The following DSCAM variants were observed in gnomAD, a reference collection of about 807,000 sequenced individuals.
DSCAM encodes DS cell adhesion molecule.
In DSCAM, 47 loss-of-function variants were observed where a neutral mutation model predicts 217.7. The ratio of observed to expected loss-of-function variants is 0.22; its 90% CI spans 0.17 to 0.28. DSCAM has a LOEUF of 0.28. Ranked by LOEUF, DSCAM falls within the 10% of genes least tolerant of loss-of-function variation. The pLI is 1.00. For missense variants in DSCAM, 2,080 were observed against 2,618.3 expected, an observed-to-expected ratio of 0.79 and a Z score of 4.49; for synonymous variants, 1,056 against 1,015.3, an observed-to-expected ratio of 1.04 and a Z score of -0.76.
chr21:40,652,911 T>C (rs928550483), intron 3 of DSCAM, among the ~76,000 whole-genome samples: 1 of 152,116 alleles, frequency 6.6e-6, no homozygotes, highest in African/African-American at 2.4e-5. Context: ...GACTCAAGTG[T>C]TAAGGTAAGT....
intron 3 of DSCAM, among the ~76,000 whole-genome samples, chr21:40,587,616 G>T (rs1343905510): frequency 1.3e-5 from 2 of 152,158 alleles, no homozygotes; most frequent in African/African-American, 4.8e-5. Flanking sequence ...GAAATTTTAT[G>T]AAAAGTATAA....
At position 40,179,042 on chromosome 21, in the gene DSCAM, C is replaced by T. The variant is rs993712212; in HGVS notation, c.2832G>A (p.Ser944=). Residue 944 remains serine (S), a synonymous_variant, in exon 15 of 33, where the codon TCG becomes TCA. Coordinates refer to ENST00000400454, the MANE Select transcript of DSCAM (RefSeq NM_001389.5). ...AAGGGTGGATATCAATGATGGTGGC[C>T]GAGTTCAGCTGAGGGGAAACATCTT... ...RTKDVSPQLN[S]ATIIDIHPSS... is the part of the protein sequence containing the mutation. The T allele has an allele frequency of 3.7e-6, 6 of 1,613,922 alleles. No homozygotes were observed. Among genetic ancestry groups the T allele is most frequent in the South Asian group, 2.2e-5 (2 of 91,076 alleles).
chr21:40,171,550 A>G (rs1212092553), intron 15 of DSCAM, among the ~76,000 whole-genome samples: 2 of 151,910 alleles, frequency 1.3e-5, no homozygotes, highest in Non-Finnish European at 2.9e-5. Flanking sequence ...CTGAAGTGAA[A>G]GCATTTGGAT....
At chr21:40,741,668 G>A (rs963875916) in intron 1 of DSCAM, among the ~76,000 whole-genome samples, 15 of 152,188 alleles carry the variant, frequency 9.9e-5, no homozygotes, top group African/African-American at 1.9e-4. Flanking sequence ...CTGGCTGCAC[G>A]GTAGATTCAC....
intron 11 of DSCAM, among the ~76,000 whole-genome samples, chr21:40,200,818 G>A (rs1204322668): frequency 6.6e-6 from 1 of 152,176 alleles, no homozygotes; most frequent in Non-Finnish European, 1.5e-5. Flanking sequence ...TTATGTTAGA[G>A]GAACCCTCTG....
chr21:40,632,398 T>A (rs750425754), intron 3 of DSCAM, among the ~76,000 whole-genome samples: 1 of 152,026 alleles, frequency 6.6e-6, no homozygotes, highest in Non-Finnish European at 1.5e-5. Context: ...TATATACATA[T>A]GCATACACAA....
chr21:40,033,371 G>A (rs550186313), intron 32 of DSCAM, among the ~76,000 whole-genome samples: 208 of 151,802 alleles, frequency 1.4e-3, no homozygotes, highest in African/African-American at 4.7e-3. Context: ...GGGAAGCACA[G>A]GGGTCAGGGA....
rs1195296248 is a variant in DSCAM at position 40,576,459 on chromosome 21, A to T, written c.508+116351T>A. Among the ~76,000 whole-genome samples the T allele has an allele frequency of 2.0e-5, 3 of 152,292 alleles. No individual in the cohort carries two copies. The East Asian group carries it at 5.8e-4, about 29-fold the overall frequency. On this transcript the variant is annotated intron_variant, in intron 3 of 32. Coordinates refer to ENST00000400454, the MANE Select transcript of DSCAM (RefSeq NM_001389.5). Reference sequence around the variant, plus strand: ...ATCTTCTTTGGGGACAGTTAACTGAATGTTCTACATCTTGTTTTAGGTGGT... The same window carrying T: ...ATCTTCTTTGGGGACAGTTAACTGATTGTTCTACATCTTGTTTTAGGTGGT...
intron 30 of DSCAM, among the ~76,000 whole-genome samples, chr21:40,046,872 A>C (rs1202547967): frequency 6.6e-6 from 1 of 150,692 alleles, no homozygotes; most frequent in East Asian, 2.0e-4. Flanking sequence ...GCTTGAGCTC[A>C]CTCTCCAATG....
At chr21:40,252,557 AATCT>A (rs2073319437) in intron 11 of DSCAM, among the ~76,000 whole-genome samples, 1 of 152,176 alleles carries the variant, frequency 6.6e-6, no homozygotes, top group South Asian at 2.1e-4. Context: ...TCTACCTTTC[AATCT>A]ATTATTTTAT....
chr21:40,337,124 T>G (rs115577965), intron 8 of DSCAM, among the ~76,000 whole-genome samples: 489 of 152,286 alleles, frequency 3.2e-3, no homozygotes, highest in African/African-American at 0.011. Context: ...TGTGTCTGTA[T>G]GCGTTCTCAC....
chr21:40,685,966 G>T (rs1380660787), intron 3 of DSCAM, among the ~76,000 whole-genome samples: 1 of 151,900 alleles, frequency 6.6e-6, no homozygotes, highest in Non-Finnish European at 1.5e-5. Flanking sequence ...AAAACAGAGA[G>T]AGATAGAAAC....
intron 16 of DSCAM, among the ~76,000 whole-genome samples, chr21:40,162,694 TTA>T (rs2090552317): frequency 6.6e-6 from 1 of 152,204 alleles, no homozygotes; most frequent in Non-Finnish European, 1.5e-5. Flanking sequence ...ACTTAGTATT[TTA>T]CAGAAATCAT....
intron 24 of DSCAM, among the ~76,000 whole-genome samples, chr21:40,080,799 T>G (rs1174346839): frequency 6.6e-6 from 1 of 152,196 alleles, no homozygotes; most frequent in African/African-American, 2.4e-5. Flanking sequence ...ACTCCTGGTC[T>G]CACAGTTCAC....
chr21:40,376,917 A>G (rs993885513), intron 3 of DSCAM, among the ~76,000 whole-genome samples: 3 of 152,056 alleles, frequency 2.0e-5, no homozygotes, highest in Non-Finnish European at 2.9e-5. Context: ...ATTTATGTTA[A>G]TGTCCTAACC....
At chr21:40,048,586 G>GCAGT (rs2088879579) in intron 30 of DSCAM, among the ~76,000 whole-genome samples, 1 of 152,156 alleles carries the variant, frequency 6.6e-6, no homozygotes, top group Admixed American at 6.5e-5. Flanking sequence ...CTTCTACAAT[G>GCAGT]CAGTCATTCT....
At chr21:40,186,647 C>T (rs1278429340) in intron 14 of DSCAM, among the ~76,000 whole-genome samples, 2 of 152,152 alleles carry the variant, frequency 1.3e-5, no homozygotes, top group Non-Finnish European at 2.9e-5. Context: ...GAGGTTGCTC[C>T]AGAGTGAATT....
At chr21:40,846,388 C>T (rs528306903) in intron 1 of DSCAM, among the ~76,000 whole-genome samples, 1 of 152,200 alleles carries the variant, frequency 6.6e-6, no homozygotes, top group Non-Finnish European at 1.5e-5. Flanking sequence ...GCTAGGTAAG[C>T]GCCTTCCAAT....
chr21:40,330,702 A>G (rs555238972), intron 8 of DSCAM, among the ~76,000 whole-genome samples: 1 of 152,090 alleles, frequency 6.6e-6, no homozygotes, highest in Non-Finnish European at 1.5e-5. Context: ...AGCTGAGCCA[A>G]TGCATCCATT....
Sources: allele counts gnomAD v4.1 joint callset (sites outside exome capture counted in the v4.1 genomes callset), GRCh38; gene constraint gnomAD v4.1.1; transcripts MANE v1.5; gene names NCBI Gene and HGNC (gene_info 2026-07-23, HGNC 2026-07-21).